NAV1: variants seen among roughly 807,000 people sequenced by gnomAD.
The protein encoded by NAV1 is neuron navigator 1, also known as pore membrane and/or filament interacting like protein 3.
A neutral mutation model predicts 175.2 loss-of-function variants in NAV1; 18 were observed. The observed-to-expected ratio is 0.10, with a 90% CI of 0.07 to 0.15. The LOEUF (loss-of-function observed/expected upper bound fraction) is 0.15. NAV1 is among the 10% of genes least tolerant of loss of function. The pLI, the probability that NAV1 is intolerant of heterozygous loss-of-function variation, is 1.00. For missense variants in NAV1, 1,731 were observed against 2,436.6 expected, an observed-to-expected ratio of 0.71 and a Z score of 6.10; for synonymous variants, 897 against 978.7, an observed-to-expected ratio of 0.92 and a Z score of 1.56.
At position 201,654,809 on chromosome 1, in the gene NAV1, G is replaced by A. The variant is rs544531544; in HGVS notation, c.757+5384G>A. 3.9e-5 allele frequency among the ~76,000 whole-genome samples: 6 copies of A among 152,226 alleles called. No individual in the cohort carries two copies. The South Asian group carries it at 1.2e-3, about 32-fold the overall frequency. On this transcript the variant is annotated intron_variant, in intron 1 of 29. Transcript: ENST00000367296. ...ACTATAGCATCATAGGCAGGTGGGT[G>A]TTCTGTTTACACTCTCCTAGTGACA...
At chr1:201,755,267 C>A (rs910820901) in intron 3 of NAV1, among the ~76,000 whole-genome samples, 1 of 151,710 alleles carries the variant, frequency 6.6e-6, no homozygotes, top group Admixed American at 6.6e-5. Flanking sequence ...AAATTGAGGC[C>A]CCCCCTCTAC....
At chr1:201,687,635 T>C (rs1352515241) in intron 1 of NAV1, among the ~76,000 whole-genome samples, 1 of 152,240 alleles carries the variant, frequency 6.6e-6, no homozygotes, top group Non-Finnish European at 1.5e-5. Flanking sequence ...TAAAGACTCT[T>C]AGTTAAGTTT....
intron 1 of NAV1, among the ~76,000 whole-genome samples, chr1:201,663,396 T>C (rs1211489258): frequency 6.6e-6 from 1 of 151,986 alleles, no homozygotes; most frequent in Non-Finnish European, 1.5e-5. Context: ...CTGGCTCCTG[T>C]TGAGATCAAG....
intron 2 of NAV1, among the ~76,000 whole-genome samples, chr1:201,717,570 T>C (rs1320599579): frequency 2.6e-5 from 4 of 152,234 alleles, no homozygotes; most frequent in Non-Finnish European, 4.4e-5. Context: ...CACCTGGGCA[T>C]TGCTCCCTTG....
chr1:201,770,378 A>G (rs1482334374), intron 3 of NAV1, among the ~76,000 whole-genome samples: 1 of 152,188 alleles, frequency 6.6e-6, no homozygotes, highest in Non-Finnish European at 1.5e-5. Flanking sequence ...AAACAAGAGG[A>G]GGAATCAGTT....
At chr1:201,643,477 A>G (rs1668877104), upstream of NAV1, among the ~76,000 whole-genome samples, 1 of 147,984 alleles carries the variant, frequency 6.8e-6, no homozygotes, top group African/African-American at 2.5e-5. Context: ...TCTGTGGCAC[A>G]GTAGTGCAAC....
chr1:201,681,212 A>G (rs1209657894), intron 1 of NAV1, among the ~76,000 whole-genome samples: 3 of 151,848 alleles, frequency 2.0e-5, no homozygotes, highest in Admixed American at 1.3e-4. Flanking sequence ...GCACTTTCTC[A>G]CCTTTCTAGC....
Position 201,782,393 on chromosome 1 carries a change from T to C in NAV1, c.1881T>C (p.Thr627=). ...TCATGCAAACTGGTGGTTCAGCCAC[T>C]CTCAGCAAGATCCAGAAGTCCTCAG... The change falls in exon 6 of 30, where the codon ACT becomes ACC. Residue 627 remains threonine, a synonymous_variant. Transcript: ENST00000367296. The surrounding 1 kb of genome is among the most constrained non-coding windows in gnomAD (Gnocchi z 5.4). 2 of 1,614,072 alleles carry C rather than the reference T, an allele frequency of 1.2e-6. No individual in the cohort carries two copies. Among genetic ancestry groups the C allele is most frequent in the Non-Finnish European group, 1.7e-6 (2 of 1,180,000 alleles).
At chr1:201,792,034 A>G (rs1367860144) in intron 13 of NAV1, 1 of 152,138 alleles carries the variant, frequency 6.6e-6, no homozygotes, top group African/African-American at 2.4e-5. Context: ...TTACACTGCA[A>G]TCTGTCAGCC....
In NAV1 at chr1:201,807,484, G is replaced by A. The variant is rs1678367360; in HGVS notation, c.3649-469G>A. ...AGTGAGCCAGGTTCTAGACTGAGCG[G>A]TTATTGTTCTGCTGCAGAAGGTGGG... On this transcript the variant is annotated intron_variant, in intron 17 of 29. Coordinates refer to ENST00000367296, the Ensembl canonical transcript of NAV1. This position sits in a 1 kb window ranked among gnomAD's most constrained non-coding sequence, Gnocchi z 5.4. 6.6e-6 allele frequency among the ~76,000 whole-genome samples: 1 copy of A among 152,294 alleles called. No homozygotes were observed. The highest frequency in any genetic ancestry group is 2.1e-4 in the South Asian group (1 of 4,822).
intron 2 of NAV1, among the ~76,000 whole-genome samples, chr1:201,643,060 C>T (rs981688878): frequency 6.6e-6 from 1 of 151,982 alleles, no homozygotes; most frequent in Non-Finnish European, 1.5e-5. Flanking sequence ...AGGTGTGAGC[C>T]ACCGTGCCTG....
intron 2 of NAV1, among the ~76,000 whole-genome samples, chr1:201,630,493 C>T (rs1302209546): frequency 6.6e-6 from 1 of 152,234 alleles, no homozygotes; most frequent in African/African-American, 2.4e-5. Flanking sequence ...CTTCTCTGTG[C>T]CCTGCTGGGC....
intron 3 of NAV1, among the ~76,000 whole-genome samples, chr1:201,719,153 T>C (rs1050797099): frequency 3.5e-4 from 38 of 109,456 alleles, no homozygotes; most frequent in Middle Eastern, 4.2e-3. Flanking sequence ...TGCTTTCCCA[T>C]TTGCAAAAAA....
At chr1:201,556,895 G>T (rs1666034424) in intron 1 of NAV1, among the ~76,000 whole-genome samples, 1 of 152,204 alleles carries the variant, frequency 6.6e-6, no homozygotes, top group African/African-American at 2.4e-5. Context: ...TGTAAAAACA[G>T]GGGCTTAATT....
rs1379809941 is a variant in NAV1 at position 201,783,499 on chromosome 1, C to T, written c.2451C>T (p.Thr817=). Residue 817 remains threonine, a synonymous_variant, in exon 7 of 30, where the codon ACC becomes ACT. Transcript: ENST00000367296. ...TGGATCTACCATCATCCAGTGATAC[C>T]ACCCATGCTTCAAAGGTCCCAGATC... 6.2e-6 allele frequency: 10 copies of T among 1,614,056 alleles called. No individual in the cohort carries two copies. In the South Asian group the frequency reaches 9.9e-5, roughly 16 times the overall value.
At position 201,782,886 on chromosome 1, in the gene NAV1, G is replaced by A. The variant is rs766006970; in HGVS notation, c.2357+17G>A. The A allele has an allele frequency of 6.5e-7, 1 of 1,545,634 alleles. No homozygotes were observed. The highest frequency in any genetic ancestry group is 8.7e-7 in the Non-Finnish European group (1 of 1,146,706). ...CCCTCTCAGGTACCCAATGTGGGCA[G>A]CCGCCTCCTTGTCTGTTTGCTTTGT... On this transcript the variant is annotated intron_variant, in intron 6 of 29. Transcript: ENST00000367296. This position sits in a 1 kb window ranked among gnomAD's most constrained non-coding sequence, Gnocchi z 5.4.
chr1:201,729,160 C>T (rs1208088431), intron 3 of NAV1, among the ~76,000 whole-genome samples: 2 of 152,194 alleles, frequency 1.3e-5, no homozygotes, highest in Non-Finnish European at 2.9e-5. Context: ...GATAAGCCAG[C>T]TGAGCTTGTG....
At chr1:201,737,179 T>C (rs1486526295) in intron 3 of NAV1, 3 of 152,188 alleles carry the variant, frequency 2.0e-5, no homozygotes, top group Admixed American at 2.0e-4. Flanking sequence ...TTACCCAAAG[T>C]GCCCTGACCT....
chr1:201,690,964 G>A (rs985219609), intron 1 of NAV1, among the ~76,000 whole-genome samples: 8 of 152,174 alleles, frequency 5.3e-5, no homozygotes, highest in African/African-American at 1.4e-4. Context: ...AATAACTCCA[G>A]ATATTATAAT....
Sources: allele counts gnomAD v4.1 joint callset (sites outside exome capture counted in the v4.1 genomes callset), GRCh38; gene constraint gnomAD v4.1.1; non-coding constraint Gnocchi (gnomAD v3.1); transcripts MANE v1.5; gene names NCBI Gene and HGNC (gene_info 2026-07-23, HGNC 2026-07-21).